Variants in PPARA observed in about 807,000 individuals in gnomAD.
PPARA encodes peroxisome proliferator activated receptor alpha, also known as peroxisome proliferator-activated receptor alpha.
A neutral mutation model predicts 42.2 loss-of-function variants in PPARA; 22 were observed. The observed-to-expected ratio is 0.52, with a 90% CI of 0.37 to 0.74. PPARA has a LOEUF of 0.74. PPARA is among the 30% of genes least tolerant of loss of function. The pLI is 0.00. For missense variants in PPARA, 465 were observed against 608.2 expected (o/e 0.76, Z 2.48); for synonymous variants, 242 against 239.3 (o/e 1.01, Z -0.10).
chr22:46,223,279 C>T (rs1935139984), intron 7 of PPARA, among the ~76,000 whole-genome samples: 2 of 152,162 alleles, frequency 1.3e-5, no homozygotes, highest in Admixed American at 6.5e-5. Context: ...CTAGGAACCC[C>T]ATCACCCTCA....
rs1298696841 is a variant in PPARA, at chr22:46,203,497, C to A, written c.208+4906C>A. Among the ~76,000 whole-genome samples the A allele has an allele frequency of 6.6e-6, 1 of 152,186 alleles. No individual in the cohort carries two copies. The highest frequency in any genetic ancestry group is 1.5e-5 in the Non-Finnish European group (1 of 68,034). ...GTACACACACACGCATCTGTGAAAC[C>A]ATCATCACACTCAAAATAGTGATGT... On this transcript the variant is annotated intron_variant, in intron 4 of 8. Transcript: ENST00000407236. This position sits in a 1 kb window ranked among gnomAD's most constrained non-coding sequence, Gnocchi z 5.8.
chr22:46,209,918 A>T (rs951184975), intron 4 of PPARA, among the ~76,000 whole-genome samples: 2 of 151,938 alleles, frequency 1.3e-5, no homozygotes, highest in Admixed American at 1.3e-4. Context: ...GCTAATTTTT[A>T]AATTTTTTGA....
chr22:46,152,217 C>T (rs2147079653), intron 2 of PPARA, among the ~76,000 whole-genome samples: 1 of 148,256 alleles, frequency 6.7e-6, no homozygotes, highest in South Asian at 2.1e-4. Flanking sequence ...CAGATCACAG[C>T]AACCTCTGCC....
chr22:46,192,406 G>A lies in PPARA; in HGVS notation c.-42-5936G>A, dbSNP rs1931688395. ...CTCGTGTTAGTTATGAATTACCGTT[G>A]GAATCCTTCCAGTGTTTGCACCTGC... On this transcript the variant is annotated intron_variant, in intron 3 of 8. Coordinates refer to ENST00000407236, the MANE Select transcript of PPARA (RefSeq NM_005036.6). This position sits in a 1 kb window ranked among gnomAD's most constrained non-coding sequence, Gnocchi z 4.3. 6.6e-6 allele frequency among the ~76,000 whole-genome samples: 1 copy of A among 152,158 alleles called. No homozygotes were observed. Among genetic ancestry groups the A allele is most frequent in the Non-Finnish European group, 1.5e-5 (1 of 68,032 alleles).
rs2147303362 is a variant in PPARA at position 46,187,283 on chromosome 22, C to T, written c.-43+10447C>T. Among the ~76,000 whole-genome samples, 1 of 152,350 alleles carries T rather than the reference C, an allele frequency of 6.6e-6. No individual in the cohort carries two copies. Among genetic ancestry groups the T allele is most frequent in the Admixed American group, 6.5e-5 (1 of 15,306 alleles). On this transcript the variant is annotated intron_variant, in intron 3 of 8. Coordinates refer to ENST00000407236, the MANE Select transcript of PPARA (RefSeq NM_005036.6). The surrounding 1 kb of genome is among the most constrained non-coding windows in gnomAD (Gnocchi z 4.9). The stretch of plus-strand genomic sequence containing the variant: ...GAACTCATGGCCAGGTGCATTGGCT[C>T]ATGCCTGTAATCCCTTCTCTCCATG...
At chr22:46,175,754 G>A (rs1352466877) in intron 2 of PPARA, among the ~76,000 whole-genome samples, 1 of 151,784 alleles carries the variant, frequency 6.6e-6, no homozygotes, top group African/African-American at 2.4e-5. Context: ...GAATCATATG[G>A]CATATAACCG....
rs1927322695 is a variant in PPARA at position 46,167,943 on chromosome 22, C to A, written c.-126-8810C>A. On this transcript the variant is annotated intron_variant, in intron 2 of 8. Transcript: ENST00000407236. The surrounding 1 kb of genome is among the most constrained non-coding windows in gnomAD (Gnocchi z 4.1). ...GCACATGTCTGTAGTCCTAGCTACT[C>A]ACGAAGCTGAGGCAGGAGGATCACT... 6.6e-6 allele frequency among the ~76,000 whole-genome samples: 1 copy of A among 151,742 alleles called. No individual in the cohort carries two copies. Among genetic ancestry groups the A allele is most frequent in the African/African-American group, 2.4e-5 (1 of 41,314 alleles).
rs954658235 is a variant in PPARA at position 46,232,351 on chromosome 22, C to T, written c.1159+112C>T. 12 of 1,090,414 alleles carry T rather than the reference C, an allele frequency of 1.1e-5. No homozygotes were observed. The highest frequency in any genetic ancestry group is 1.5e-5 in the Non-Finnish European group (11 of 710,634). The allele number at this position is 1,090,414 out of a possible 1,614,324, so 67.5% of individuals were successfully genotyped here. A position where few individuals can be genotyped will look rare whatever the true frequency, so the allele number is the denominator to read the frequency against. ...CTGAGCTGTTCCAGTGGAGGGGACA[C>T]TCACATGGTGGGAAGACGTCTGACC... On this transcript the variant is annotated intron_variant, in intron 8 of 8. Coordinates refer to ENST00000407236, the MANE Select transcript of PPARA (RefSeq NM_005036.6). This position sits in a 1 kb window ranked among gnomAD's most constrained non-coding sequence, Gnocchi z 5.3.
Position 46,236,814 on chromosome 22 carries a change from G to A in PPARA, c.*1434G>A, listed in dbSNP as rs1336018975. 6.6e-6 allele frequency: 1 copy of A among 152,194 alleles called. No individual in the cohort carries two copies. Among genetic ancestry groups the A allele is most frequent in the African/African-American group, 2.4e-5 (1 of 41,446 alleles). 9.4% of individuals were successfully genotyped at this position (152,194 alleles called of 1,614,324 possible). A position where few individuals can be genotyped will look rare whatever the true frequency, so the allele number is the denominator to read the frequency against. Reference sequence around the variant, plus strand: ...CAAATGGCAGATTTCACAAGAGTTGGTTATTTTTTACAATGGTTTAGGTTG... The same window carrying A: ...CAAATGGCAGATTTCACAAGAGTTGATTATTTTTTACAATGGTTTAGGTTG... On this transcript the variant is annotated 3_prime_UTR_variant, in exon 9 of 9. Transcript: ENST00000407236. This position sits in a 1 kb window ranked among gnomAD's most constrained non-coding sequence, Gnocchi z 5.2.
intron 2 of PPARA, among the ~76,000 whole-genome samples, chr22:46,175,649 G>T (rs1441397091): frequency 6.6e-6 from 1 of 151,626 alleles, no homozygotes; most frequent in Non-Finnish European, 1.5e-5. Context: ...GGGAGACGGA[G>T]CTTGTAGTGA....
Position 46,233,954 on chromosome 22 carries a change from G to C in PPARA, c.1160-1179G>C, listed in dbSNP as rs1357150958. ...TTCGCCTGCCTCAGCCTCCTGAGTAGCTGAGATTACAGGAACATGCCAGCA... is the reference window on the plus strand; with the variant it reads ...TTCGCCTGCCTCAGCCTCCTGAGTACCTGAGATTACAGGAACATGCCAGCA... On this transcript the variant is annotated intron_variant, in intron 8 of 8. Coordinates refer to ENST00000407236, the MANE Select transcript of PPARA (RefSeq NM_005036.6). The surrounding 1 kb of genome is among the most constrained non-coding windows in gnomAD (Gnocchi z 7.3). 2.0e-5 allele frequency among the ~76,000 whole-genome samples: 3 copies of C among 151,988 alleles called. No individual in the cohort carries two copies. The highest frequency in any genetic ancestry group is 4.8e-5 in the African/African-American group (2 of 41,352).
rs932671669 is a variant in PPARA at position 46,240,956 on chromosome 22, G to A, written c.*5576G>A. 2 of 152,276 alleles carry A rather than the reference G, an allele frequency of 1.3e-5. No homozygotes were observed. The highest frequency in any genetic ancestry group is 2.9e-5 in the Non-Finnish European group (2 of 68,062). 9.4% of individuals were successfully genotyped at this position (152,276 alleles called of 1,614,324 possible). Reference sequence around the variant, plus strand: ...TCCACAAACATCTGTGGCAGAAAAGGCTATACGGACCACCCAGTTGTGCTG... The same window carrying A: ...TCCACAAACATCTGTGGCAGAAAAGACTATACGGACCACCCAGTTGTGCTG... On this transcript the variant is annotated 3_prime_UTR_variant, in exon 9 of 9. Transcript: ENST00000407236. The surrounding 1 kb of genome is among the most constrained non-coding windows in gnomAD (Gnocchi z 6.0).
chr22:46,227,682 C>T lies in PPARA; in HGVS notation c.712-4110C>T, dbSNP rs537515430. On this transcript the variant is annotated intron_variant, in intron 7 of 8. Coordinates refer to ENST00000407236, the MANE Select transcript of PPARA (RefSeq NM_005036.6). The surrounding 1 kb of genome is among the most constrained non-coding windows in gnomAD (Gnocchi z 4.3). Reference sequence around the variant, plus strand: ...GTGGCAGCAAGCGGGGCGTTCTGCTCTCGGCATGGAGTGATTGGGGAAAAT... The same window carrying T: ...GTGGCAGCAAGCGGGGCGTTCTGCTTTCGGCATGGAGTGATTGGGGAAAAT... Among the ~76,000 whole-genome samples, 2 of 152,332 alleles carry T rather than the reference C, an allele frequency of 1.3e-5. No homozygotes were observed. Among genetic ancestry groups the T allele is most frequent in the East Asian group, 3.9e-4 (2 of 5,190 alleles).
rs1236346144 is a variant in PPARA, at chr22:46,237,791, T to G, written c.*2411T>G. ...GCTAGCCTTTGAGTGTCTGTCATGG[T>G]GCATCCGTTTCAGTATTATTTCCTA... On this transcript the variant is annotated 3_prime_UTR_variant, in exon 9 of 9. Coordinates refer to ENST00000407236, the MANE Select transcript of PPARA (RefSeq NM_005036.6). This position sits in a 1 kb window ranked among gnomAD's most constrained non-coding sequence, Gnocchi z 6.7. The G allele has an allele frequency of 6.6e-6, 1 of 152,254 alleles. No homozygotes were observed. 9.4% of individuals were successfully genotyped at this position (152,254 alleles called of 1,614,324 possible).
chr22:46,212,637 T>C lies in PPARA; in HGVS notation c.209-2536T>C, dbSNP rs1413401008. Reference sequence around the variant, plus strand: ...ACTGAATGAGTTCCCACTGTCTGTTTGTACCACAGTTTGTATATCTATTCA... The same window carrying C: ...ACTGAATGAGTTCCCACTGTCTGTTCGTACCACAGTTTGTATATCTATTCA... On this transcript the variant is annotated intron_variant, in intron 4 of 8. Coordinates refer to ENST00000407236, the MANE Select transcript of PPARA (RefSeq NM_005036.6). This position sits in a 1 kb window ranked among gnomAD's most constrained non-coding sequence, Gnocchi z 4.2. Among the ~76,000 whole-genome samples, 5 of 152,198 alleles carry C rather than the reference T, an allele frequency of 3.3e-5. No individual in the cohort carries two copies. Among genetic ancestry groups the C allele is most frequent in the African/African-American group, 1.2e-4 (5 of 41,450 alleles).
chr22:46,175,679 A>G (rs980025220), intron 2 of PPARA, among the ~76,000 whole-genome samples: 1 of 150,870 alleles, frequency 6.6e-6, no homozygotes, highest in Non-Finnish European at 1.5e-5. Context: ...ACACCACTGC[A>G]CTCCAGACTG....
intron 2 of PPARA, among the ~76,000 whole-genome samples, chr22:46,153,163 C>CTTTTTTTTTTTTTTTT (rs996863467): frequency 9.2e-5 from 10 of 109,220 alleles, no homozygotes; most frequent in African/African-American, 2.6e-4. Flanking sequence ...TTCCCACATC[C>CTTTTTTTTTTTTTTTT]TTTTTTTTTT....
rs1932785100 is a variant in PPARA at position 46,200,437 on chromosome 22, C to T, written c.208+1846C>T. 6.6e-6 allele frequency among the ~76,000 whole-genome samples: 1 copy of T among 152,228 alleles called. No individual in the cohort carries two copies. The highest frequency in any genetic ancestry group is 2.4e-5 in the African/African-American group (1 of 41,458). ...GTGTTACTGTACTGAACGGCGTAGG[C>T]CCCTGTGACACAATGGTAAGTATTT... On this transcript the variant is annotated intron_variant, in intron 4 of 8. Coordinates refer to ENST00000407236, the MANE Select transcript of PPARA (RefSeq NM_005036.6). The surrounding 1 kb of genome is among the most constrained non-coding windows in gnomAD (Gnocchi z 4.8).
At position 46,160,056 on chromosome 22, in the gene PPARA, C is replaced by CT. The variant is rs1468330280; in HGVS notation, c.-127+8088dup. Among the ~76,000 whole-genome samples, 1 of 152,206 alleles carries CT rather than the reference C, an allele frequency of 6.6e-6. No individual in the cohort carries two copies. Among genetic ancestry groups the CT allele is most frequent in the East Asian group, 1.9e-4 (1 of 5,192 alleles). Reference sequence around the variant, plus strand: ...ACTGCAGCAGCCTGAAAACCACAGTCTTGAACCGCCAGCGAAGGGCTGGGA... The same window carrying CT: ...ACTGCAGCAGCCTGAAAACCACAGTCTTTGAACCGCCAGCGAAGGGCTGGGA... On this transcript the variant is annotated intron_variant, in intron 2 of 8. Coordinates refer to ENST00000407236, the MANE Select transcript of PPARA (RefSeq NM_005036.6). This position sits in a 1 kb window ranked among gnomAD's most constrained non-coding sequence, Gnocchi z 4.5.
Sources: allele counts gnomAD v4.1 joint callset (sites outside exome capture counted in the v4.1 genomes callset), GRCh38; gene constraint gnomAD v4.1.1; non-coding constraint Gnocchi (gnomAD v3.1); transcripts MANE v1.5; gene names NCBI Gene and HGNC (gene_info 2026-07-23, HGNC 2026-07-21).